The following PAX8 variants were observed in gnomAD, a reference collection of about 807,000 sequenced individuals.
PAX8 encodes paired box protein Pax-8.
Under a neutral mutation model 52.4 loss-of-function variants are expected in PAX8, and 15 were observed. The observed-to-expected ratio is 0.29, with a 90% CI of 0.19 to 0.44. PAX8 has a LOEUF of 0.44. PAX8 is among the 20% of genes least tolerant of loss of function. The probability of loss-of-function intolerance (pLI) is 1.00; values close to 1 mark genes in which losing one functional copy is unlikely to be tolerated. For missense variants in PAX8, 554 were observed against 602.5 expected (o/e 0.92, Z 0.84); for synonymous variants, 284 against 249.7 (o/e 1.14, Z -1.29).
In PAX8 at chr2:113,278,463, C is replaced by T. The variant is rs1253373331; in HGVS notation, c.-69G>A. The T allele has an allele frequency of 4.4e-6, 7 of 1,604,370 alleles. No individual in the cohort carries two copies. Among genetic ancestry groups the T allele is most frequent in the African/African-American group, 4.0e-5 (3 of 74,844 alleles). On this transcript the variant is annotated 5_prime_UTR_variant, in exon 2 of 12. Coordinates refer to ENST00000429538, the MANE Select transcript of PAX8 (RefSeq NM_003466.4). ...TCCCGTAGGTCCGGGCCGCGCCTGC[C>T]GCTGCCCTGCACAAACCCAGGAGAA... is the stretch of plus-strand genomic sequence containing the variant.
At chr2:113,220,515 C>G (rs1178629276) in intron 10 of PAX8, 2 of 232,032 alleles carry the variant, frequency 8.6e-6, no homozygotes, top group African/African-American at 4.5e-5. Flanking sequence ...CGGAAGCTCC[C>G]AGAGCTGGAG....
intron 2 of PAX8, chr2:113,255,253 AGGGAGGAGGGAG>A (rs1318157476): frequency 1.1e-3 from 6 of 5,572 alleles, no homozygotes; most frequent in Admixed American, 2.6e-3. Context: ...GGGAGGAGGG[AGGGAGGAGGGAG>A]GGGAGGAGGG....
Position 113,227,165 on chromosome 2 carries a change from G to T in PAX8, c.1179C>A (p.Gly393=). Residue 393 remains glycine, a synonymous_variant, in exon 10 of 12, where the codon GGC becomes GGA. Transcript: ENST00000429538. ...QGSYASSAIA[G]MVAGSEYSGN... is the part of the protein sequence containing the mutation. The stretch of plus-strand genomic sequence containing the variant: ...CGGCCCTCTCCTTACCTGCCACCAT[G>T]CCTGCGATGGCAGAGGAGGCATAGC... 6.3e-7 allele frequency: 1 copy of T among 1,599,212 alleles called. No homozygotes were observed.
intron 8 of PAX8, chr2:113,235,808 C>A (rs7576384): frequency 1.3e-5 from 7 of 537,830 alleles, no homozygotes; most frequent in Non-Finnish European, 2.0e-5. Flanking sequence ...TGGAGAGACC[C>A]GGAAGGCGTG....
chr2:113,246,556 G>A (rs775080281), intron 3 of PAX8, among the ~76,000 whole-genome samples, 198 bp downstream of exon 3: 1 of 151,970 alleles, frequency 6.6e-6, no homozygotes, highest in Non-Finnish European at 1.5e-5. Flanking sequence ...AAAGAAGGAA[G>A]GGCAAGAAAA....
At chr2:113,232,435 G>T (rs906345361) in intron 9 of PAX8, among the ~76,000 whole-genome samples, 1 of 152,206 alleles carries the variant, frequency 6.6e-6, no homozygotes, top group African/African-American at 2.4e-5. Context: ...AACCTTCAAA[G>T]TGCTCACACC....
chr2:113,264,736 C>CA (rs1360897954), intron 2 of PAX8, among the ~76,000 whole-genome samples: 3 of 152,130 alleles, frequency 2.0e-5, no homozygotes, highest in Non-Finnish European at 2.9e-5. Flanking sequence ...AGTGGGAAGT[C>CA]AGACAGGATG....
intron 2 of PAX8, among the ~76,000 whole-genome samples, chr2:113,252,814 G>C (rs1050396189): frequency 2.6e-5 from 4 of 152,096 alleles, no homozygotes; most frequent in Admixed American, 2.6e-4. Flanking sequence ...TTTTATACCA[G>C]GTCCTTCCCC....
At chr2:113,255,449 A>AG (rs1262458333) in intron 2 of PAX8, 3 of 152,314 alleles carry the variant, frequency 2.0e-5, no homozygotes, top group Non-Finnish European at 2.9e-5. Flanking sequence ...CACAGTCCAA[A>AG]AAAAAAAGAG....
chr2:113,260,878 T>TTGTGTGTGTGTGTGTGTGTG (rs34240850), intron 2 of PAX8, among the ~76,000 whole-genome samples: 2 of 148,116 alleles, frequency 1.4e-5, no homozygotes, highest in Non-Finnish European at 3.0e-5. Context: ...AGTGACTGTT[T>TTGTGTGTGTGTGTGTGTGTG]TGTGTGTGTG....
intron 10 of PAX8, among the ~76,000 whole-genome samples, chr2:113,224,547 C>CAAAA (rs1250640219): frequency 1.9e-5 from 1 of 52,282 alleles, no homozygotes; most frequent in Non-Finnish European, 3.9e-5. Flanking sequence ...ACTCCGTCTC[C>CAAAA]AAAAAAAAAA....
At chr2:113,276,494 C>T (rs1693822716) in intron 2 of PAX8, 1 of 152,184 alleles carries the variant, frequency 6.6e-6, no homozygotes, top group Non-Finnish European at 1.5e-5. Flanking sequence ...CCTCCCAAAA[C>T]CCAAGCGCGA....
intron 9 of PAX8, among the ~76,000 whole-genome samples, chr2:113,233,256 A>ATC (rs767192382): frequency 1.3e-5 from 2 of 149,918 alleles, no homozygotes; most frequent in Non-Finnish European, 3.0e-5. Context: ...CTTAAACACC[A>ATC]TCTCTCTGCC....
At chr2:113,261,449 G>A (rs994197321) in intron 2 of PAX8, among the ~76,000 whole-genome samples, 20 of 152,178 alleles carry the variant, frequency 1.3e-4, no homozygotes, top group Admixed American at 3.9e-4. Flanking sequence ...GACACTGGGC[G>A]TGCCATAAGA....
At chr2:113,272,930 A>G (rs958260652) in intron 2 of PAX8, 3 of 152,210 alleles carry the variant, frequency 2.0e-5, no homozygotes, top group Non-Finnish European at 2.9e-5. Context: ...TTTTCAACTA[A>G]AACAAAAGCA....
At chr2:113,269,535 A>C (rs1200531025) in intron 2 of PAX8, 1 of 152,198 alleles carries the variant, frequency 6.6e-6, no homozygotes, top group African/African-American at 2.4e-5. Context: ...GGTGCCTTCT[A>C]CCTTGCTCAG....
intron 2 of PAX8, chr2:113,263,271 T>G (rs1466018): frequency 0.48 from 73,495 of 152,458 alleles, 18,391 homozygotes; most frequent in East Asian, 0.71. Context: ...GTTTTGTTTT[T>G]TTTCAGTGAA....
rs1329179700 is a variant in PAX8, at chr2:113,216,229, A to ACTCC, written c.*2303_*2304insGGAG. 2 of 230,892 alleles carry ACTCC rather than the reference A, an allele frequency of 8.7e-6. No homozygotes were observed. The highest frequency in any genetic ancestry group is 4.4e-5 in the African/African-American group (2 of 45,210). 14.3% of individuals were successfully genotyped at this position (230,892 alleles called of 1,614,324 possible). A position where few individuals can be genotyped will look rare whatever the true frequency, so the allele number is the denominator to read the frequency against. ...TCATGGATTCGGAGTCGCGCTGCAG[A>ACTCC]GGGAAGTTCTGCCATTGAAAAACCA... On this transcript the variant is annotated 3_prime_UTR_variant, in exon 12 of 12. Coordinates refer to ENST00000429538, the MANE Select transcript of PAX8 (RefSeq NM_003466.4).
At chr2:113,251,183 G>C (rs1318894007) in intron 2 of PAX8, among the ~76,000 whole-genome samples, 1 of 152,166 alleles carries the variant, frequency 6.6e-6, no homozygotes, top group East Asian at 1.9e-4. Flanking sequence ...TGTCCGGTGT[G>C]GGGGAGTGGA....
Sources: allele counts gnomAD v4.1 joint callset (sites outside exome capture counted in the v4.1 genomes callset), GRCh38; gene constraint gnomAD v4.1.1; transcripts MANE v1.5; gene names NCBI Gene and HGNC (gene_info 2026-07-23, HGNC 2026-07-21).